Variants in COL26A1 observed in about 807,000 individuals in gnomAD.
The protein encoded by COL26A1 is collagen type XXVI alpha 1 chain.
In COL26A1, 41 loss-of-function variants were observed where a neutral mutation model predicts 59.3. The ratio of observed to expected loss-of-function variants is 0.69; its 90% CI spans 0.54 to 0.90. The LOEUF (loss-of-function observed/expected upper bound fraction) is 0.90, where lower values mean the gene tolerates loss of function less well. Among genes scored for constraint, COL26A1 ranks in the 40% least tolerant of loss-of-function variants. The probability of loss-of-function intolerance (pLI) is 0.00; values close to 1 mark genes in which losing one functional copy is unlikely to be tolerated. For synonymous variants in COL26A1, 266 were observed against 256.0 expected, an observed-to-expected ratio of 1.04 and a Z score of -0.37; for missense variants, 612 against 602.3, an observed-to-expected ratio of 1.02 and a Z score of -0.17.
intron 3 of COL26A1, among the ~76,000 whole-genome samples, chr7:101,479,863 T>C (rs776092385): frequency 2.6e-5 from 4 of 152,244 alleles, no homozygotes; most frequent in Non-Finnish European, 4.4e-5. Context: ...AATGATCAAA[T>C]ATCCATCACC....
chr7:101,420,099 G>A lies in COL26A1; in HGVS notation c.281G>A (p.Ser94Asn), dbSNP rs1792477209. Residue 94 changes from serine (S) to asparagine (N), a missense_variant and splice_region_variant, in exon 2 of 13, where the codon AGT (serine) becomes AAT (asparagine). By Grantham distance (46) the Ser-to-Asn change is conservative (BLOSUM62 1). Coordinates refer to ENST00000313669, the MANE Select transcript of COL26A1 (RefSeq NM_001278563.3). ...CCGGGGCCCTGCGCCAACCTCGTAAGGTAAAGGCCGCTGGGCTAGGCTGCT... is the reference window on the plus strand; with the variant it reads ...CCGGGGCCCTGCGCCAACCTCGTAAAGTAAAGGCCGCTGGGCTAGGCTGCT... ...RWPGPCANLV[S>N]YRTLIRPTYR... 1 of 1,612,628 alleles carries A rather than the reference G, an allele frequency of 6.2e-7. No individual in the cohort carries two copies. Among genetic ancestry groups the A allele is most frequent in the Non-Finnish European group, 8.5e-7 (1 of 1,179,872 alleles).
intron 1 of COL26A1, among the ~76,000 whole-genome samples, chr7:101,385,227 CACACTA>C (rs59327237): frequency 0.57 from 79,832 of 138,972 alleles, 23,146 homozygotes; most frequent in Middle Eastern, 0.68. Context: ...CACACACACA[CACACTA>C]TATATATATA....
At chr7:101,524,097 C>A (rs1364005360) in intron 3 of COL26A1, among the ~76,000 whole-genome samples, 1 of 151,978 alleles carries the variant, frequency 6.6e-6, no homozygotes, top group African/African-American at 2.4e-5. Flanking sequence ...TGGTGAAACC[C>A]TGTCTCTACT....
At position 101,539,962 on chromosome 7, in the gene COL26A1, C is replaced by T. The variant is rs770605768; in HGVS notation, c.517C>T (p.Pro173Ser). 1 of 1,613,758 alleles carries T rather than the reference C, an allele frequency of 6.2e-7. No individual in the cohort carries two copies. The highest frequency in any genetic ancestry group is 2.2e-5 in the East Asian group (1 of 44,850). ...CGACCTGCCAGCCCCCGAGAGCACT[C>T]CGCCGACCTGGAATGAGGACTTCCT... ...DNDLPAPEST[P>S]PTWNEDFLPD... Residue 173 changes from proline to serine, a missense_variant, in exon 5 of 13, where the codon CCG (proline) becomes TCG (serine). Coordinates refer to ENST00000313669, the MANE Select transcript of COL26A1 (RefSeq NM_001278563.3).
chr7:101,519,120 C>T (rs749399220), intron 3 of COL26A1, among the ~76,000 whole-genome samples: 1 of 152,164 alleles, frequency 6.6e-6, no homozygotes, highest in East Asian at 1.9e-4. Flanking sequence ...CCAGAAGAGG[C>T]GAGCTAAACT....
intron 3 of COL26A1, among the ~76,000 whole-genome samples, chr7:101,451,387 T>C (rs2130389704): frequency 6.8e-6 from 1 of 147,214 alleles, no homozygotes; most frequent in Admixed American, 6.9e-5. Context: ...ATGTTATATT[T>C]AAATTATAAT....
At chr7:101,404,394 G>C (rs1037170451) in intron 1 of COL26A1, among the ~76,000 whole-genome samples, 6 of 152,148 alleles carry the variant, frequency 3.9e-5, no homozygotes, top group Non-Finnish European at 7.3e-5. Context: ...GAGAATGTGA[G>C]ACCGGGAGAC....
At chr7:101,463,869 T>TTTTCTTTC (rs566945352) in intron 3 of COL26A1, among the ~76,000 whole-genome samples, 3,681 of 91,640 alleles carry the variant, frequency 0.04, 104 homozygotes, top group East Asian at 0.09. Flanking sequence ...CTCTTTTTTC[T>TTTTCTTTC]TTTCTTTCTT....
intron 1 of COL26A1, among the ~76,000 whole-genome samples, chr7:101,404,544 C>T (rs1468080852): frequency 1.3e-5 from 2 of 152,080 alleles, no homozygotes; most frequent in Non-Finnish European, 2.9e-5. Flanking sequence ...GACAATAGCA[C>T]CGATATGAAT....
At chr7:101,497,602 G>A (rs947915200) in intron 3 of COL26A1, among the ~76,000 whole-genome samples, 2 of 152,078 alleles carry the variant, frequency 1.3e-5, no homozygotes, top group South Asian at 4.1e-4. Flanking sequence ...CTTGAGCTCA[G>A]GAGGCTGAGG....
chr7:101,412,735 C>A (rs934110762), intron 1 of COL26A1, among the ~76,000 whole-genome samples: 5 of 152,130 alleles, frequency 3.3e-5, no homozygotes, highest in African/African-American at 1.2e-4. Context: ...TCTGGGGTAG[C>A]CCTGCTCTGC....
At chr7:101,556,428 T>C (rs887448750) in intron 12 of COL26A1, among the ~76,000 whole-genome samples, 2 of 151,954 alleles carry the variant, frequency 1.3e-5, no homozygotes, top group Non-Finnish European at 2.9e-5. Flanking sequence ...GGTGAGTGAG[T>C]GAGTGAACGA....
At chr7:101,444,906 T>C (rs527547324) in intron 2 of COL26A1, among the ~76,000 whole-genome samples, 1 of 152,138 alleles carries the variant, frequency 6.6e-6, no homozygotes, top group Admixed American at 6.5e-5. Flanking sequence ...TGCAGTGGCA[T>C]GATCTCGGCT....
intron 3 of COL26A1, among the ~76,000 whole-genome samples, chr7:101,486,581 G>A (rs1794274588): frequency 6.6e-6 from 1 of 152,252 alleles, no homozygotes; most frequent in Non-Finnish European, 1.5e-5. Flanking sequence ...TAGAATTCCT[G>A]CCTGCAAAGG....
At chr7:101,535,055 G>A (rs185066593) in intron 4 of COL26A1, among the ~76,000 whole-genome samples, 2 of 152,322 alleles carry the variant, frequency 1.3e-5, no homozygotes, top group South Asian at 2.1e-4. Context: ...GGAGCCCCAC[G>A]GCATGCATTC....
intron 2 of COL26A1, among the ~76,000 whole-genome samples, chr7:101,446,624 A>T (rs567864922): frequency 1.3e-5 from 2 of 152,294 alleles, no homozygotes; most frequent in East Asian, 3.9e-4. Flanking sequence ...AGGTGGGTGG[A>T]TCACTTGAGG....
At chr7:101,536,760 A>G (rs1584495184) in intron 4 of COL26A1, among the ~76,000 whole-genome samples, 1 of 152,360 alleles carries the variant, frequency 6.6e-6, no homozygotes, top group African/African-American at 2.4e-5. Flanking sequence ...CAAGAAGTCC[A>G]GGAGCAGAGG....
intron 3 of COL26A1, among the ~76,000 whole-genome samples, chr7:101,503,323 G>C (rs1403440641): frequency 6.6e-6 from 1 of 152,168 alleles, no homozygotes. Context: ...ACTGTCCCAC[G>C]TGCAGGAGTC....
chr7:101,500,797 G>A (rs193046838), intron 3 of COL26A1, among the ~76,000 whole-genome samples: 1 of 152,078 alleles, frequency 6.6e-6, no homozygotes, highest in Non-Finnish European at 1.5e-5. Flanking sequence ...CCCCAGCCTC[G>A]GCAACAGAGC....
Sources: gnomAD v4.1 joint callset for allele counts (sites outside exome capture counted in the v4.1 genomes callset) on GRCh38, gnomAD v4.1.1 for gene constraint, MANE v1.5 for transcripts, NCBI Gene and HGNC (gene_info 2026-07-23, HGNC 2026-07-21) for gene names.